The following ROBO2 variants were observed in gnomAD, a reference collection of about 807,000 sequenced individuals.
ROBO2 encodes the protein roundabout guidance receptor 2, also known as roundabout homolog 2.
A neutral mutation model predicts 160.8 loss-of-function variants in ROBO2; 53 were observed. That is an observed-to-expected ratio of 0.33 (90% confidence interval 0.26 to 0.41). The LOEUF (loss-of-function observed/expected upper bound fraction) is 0.41, where lower values mean the gene tolerates loss of function less well. Among genes scored for constraint, ROBO2 ranks in the 10% least tolerant of loss-of-function variants. The pLI, the probability that ROBO2 is intolerant of heterozygous loss-of-function variation, is 1.00. For missense variants in ROBO2, 1,577 were observed against 1,722.4 expected, an observed-to-expected ratio of 0.92 and a Z score of 1.49; for synonymous variants, 664 against 611.7, an observed-to-expected ratio of 1.09 and a Z score of -1.26.
intron 1 of ROBO2, among the ~76,000 whole-genome samples, chr3:75,927,531 C>T (rs1220049966): frequency 6.6e-6 from 1 of 152,144 alleles, no homozygotes; most frequent in African/African-American, 2.4e-5. Flanking sequence ...GACTATTGCT[C>T]ACATAGTCAC....
At chr3:76,623,464 T>C (rs1188552265) in intron 2 of ROBO2, among the ~76,000 whole-genome samples, 1 of 152,218 alleles carries the variant, frequency 6.6e-6, no homozygotes, top group Non-Finnish European at 1.5e-5. Context: ...ACATGCTTTA[T>C]GTGCTAATAC....
Position 76,966,476 on chromosome 3 carries a change from T to A in ROBO2, c.110-131538T>A, listed in dbSNP as rs372587048. 4.6e-5 allele frequency among the ~76,000 whole-genome samples: 7 copies of A among 152,314 alleles called. No individual in the cohort carries two copies. The East Asian group carries it at 1.2e-3, about 25-fold the overall frequency. On this transcript the variant is annotated intron_variant, in intron 2 of 26. Coordinates refer to the ROBO2 transcript ENST00000487694. ...AGTTTAATACCAAGTCTGCTTTACA[T>A]CTCTCTACTATAATGGCTCTCCCTC...
chr3:77,374,525 A>C (rs2072350168), intron 2 of ROBO2, among the ~76,000 whole-genome samples: 1 of 152,176 alleles, frequency 6.6e-6, no homozygotes, highest in Admixed American at 6.5e-5. Flanking sequence ...TTAAATAGAA[A>C]ATATTGCCAT....
intron 2 of ROBO2, among the ~76,000 whole-genome samples, chr3:76,302,428 A>T (rs1333072812): frequency 6.6e-6 from 1 of 152,074 alleles, no homozygotes; most frequent in African/African-American, 2.4e-5. Context: ...CCTATCATTT[A>T]ACTAGAAACA....
chr3:76,732,443 G>A (rs1236524643), intron 2 of ROBO2, among the ~76,000 whole-genome samples: 1 of 152,166 alleles, frequency 6.6e-6, no homozygotes, highest in African/African-American at 2.4e-5. Flanking sequence ...GATAACTGTT[G>A]CTGATGGGAG....
intron 2 of ROBO2, among the ~76,000 whole-genome samples, chr3:76,113,069 C>T (rs1559561354): frequency 6.6e-6 from 1 of 151,924 alleles, no homozygotes. Context: ...AATACAGTGA[C>T]ATATGTCTTC....
At chr3:77,363,959 G>T (rs952878761) in intron 2 of ROBO2, among the ~76,000 whole-genome samples, 1 of 152,098 alleles carries the variant, frequency 6.6e-6, no homozygotes, top group Non-Finnish European at 1.5e-5. Flanking sequence ...ATTTCCTTTA[G>T]TTCAAAGTCC....
At chr3:76,437,244 A>T (rs1447645601) in intron 2 of ROBO2, among the ~76,000 whole-genome samples, 1 of 152,198 alleles carries the variant, frequency 6.6e-6, no homozygotes, top group Admixed American at 6.6e-5. Flanking sequence ...AAAACATTTT[A>T]TATAAAGGAA....
intron 2 of ROBO2, among the ~76,000 whole-genome samples, chr3:76,240,289 C>T (rs1470580917): frequency 1.3e-5 from 2 of 151,666 alleles, no homozygotes; most frequent in Non-Finnish European, 2.9e-5. Flanking sequence ...ATAACCCCCA[C>T]CCCCCGACAG....
At chr3:76,724,403 C>T (rs1003193582) in intron 2 of ROBO2, among the ~76,000 whole-genome samples, 1 of 152,220 alleles carries the variant, frequency 6.6e-6, no homozygotes, top group African/African-American at 2.4e-5. Flanking sequence ...CTCAGAACAG[C>T]TGGCAACTAT....
chr3:76,318,621 G>C (rs2072248521), intron 2 of ROBO2, among the ~76,000 whole-genome samples: 1 of 152,062 alleles, frequency 6.6e-6, no homozygotes, highest in African/African-American at 2.4e-5. Context: ...GCATAGTTAA[G>C]ATTGTGTCAG....
intron 2 of ROBO2, among the ~76,000 whole-genome samples, chr3:77,000,198 T>C (rs1282769608): frequency 3.9e-5 from 6 of 152,298 alleles, no homozygotes; most frequent in Middle Eastern, 3.4e-3. Context: ...GAGGAAGTTA[T>C]TTCGCTCATG....
At chr3:77,374,498 G>C (rs141940475) in intron 2 of ROBO2, among the ~76,000 whole-genome samples, 2 of 152,140 alleles carry the variant, frequency 1.3e-5, no homozygotes, top group African/African-American at 4.8e-5. Context: ...TGACCTTTTT[G>C]GCCTTAAATA....
intron 2 of ROBO2, among the ~76,000 whole-genome samples, chr3:77,219,465 T>A (rs1369980600): frequency 2.1e-5 from 2 of 96,850 alleles, no homozygotes; most frequent in Admixed American, 2.2e-4. Flanking sequence ...TATATGTATC[T>A]GTGTATATAT....
intron 2 of ROBO2, among the ~76,000 whole-genome samples, chr3:77,209,047 CAT>C (rs2083774918): frequency 1.3e-5 from 2 of 152,118 alleles, no homozygotes; most frequent in South Asian, 2.1e-4. Context: ...ACAGATCTCA[CAT>C]GTGATTCTTT....
chr3:76,680,218 G>A (rs1004516522), intron 2 of ROBO2, among the ~76,000 whole-genome samples: 3 of 151,806 alleles, frequency 2.0e-5, no homozygotes, highest in African/African-American at 4.8e-5. Context: ...AAATGCCGAC[G>A]CTTACTTAGT....
At chr3:77,085,681 C>T (rs768885264) in intron 1 of ROBO2, among the ~76,000 whole-genome samples, 12 of 152,030 alleles carry the variant, frequency 7.9e-5, no homozygotes, top group African/African-American at 1.7e-4. Context: ...TAAGCCAACT[C>T]GATTATGGCC....
intron 2 of ROBO2, among the ~76,000 whole-genome samples, chr3:76,104,930 C>T (rs912690899): frequency 3.9e-5 from 6 of 152,076 alleles, no homozygotes; most frequent in African/African-American, 1.4e-4. Flanking sequence ...TTTTCAAGGA[C>T]CAGGTTAAGT....
chr3:77,259,492 A>G (rs1414864956), intron 2 of ROBO2, among the ~76,000 whole-genome samples: 1 of 152,222 alleles, frequency 6.6e-6, no homozygotes, highest in African/African-American at 2.4e-5. Flanking sequence ...AGGTTGTGTT[A>G]TAAATAATGA....
Sources: gnomAD v4.1 joint callset for allele counts (sites outside exome capture counted in the v4.1 genomes callset) on GRCh38, gnomAD v4.1.1 for gene constraint, MANE v1.5 for transcripts, NCBI Gene and HGNC (gene_info 2026-07-23, HGNC 2026-07-21) for gene names.